FALEC: variants seen among roughly 807,000 people sequenced by gnomAD.
FALEC encodes focally amplified lncRNA on chromosome 1.
the FALEC span, among the ~76,000 whole-genome samples, chr1:150,532,485 G>T: frequency 6.6e-6 from 1 of 152,138 alleles, no homozygotes; most frequent in East Asian, 1.9e-4. Flanking sequence ...GGAGGGAGTG[G>T]CTCCAGAGAT....
At chr1:150,517,682 A>G (rs1177060084) in intron 1 of FALEC, 3 of 152,302 alleles carry the variant, frequency 2.0e-5, no homozygotes, top group Non-Finnish European at 4.4e-5. Context: ...GAGCCTGACC[A>G]TGCTGGCACA....
the FALEC span, among the ~76,000 whole-genome samples, chr1:150,523,547 G>A: frequency 1.1e-4 from 17 of 151,218 alleles, no homozygotes; most frequent in South Asian, 2.1e-4. Flanking sequence ...CCAGCTACTC[G>A]GGAGGCTGAG....
the FALEC span, among the ~76,000 whole-genome samples, chr1:150,533,573 C>T: frequency 6.6e-6 from 1 of 151,498 alleles, no homozygotes; most frequent in African/African-American, 2.4e-5. Context: ...GTAGCTGGGA[C>T]TACAGGTGGT....
chr1:150,525,739 ATTGCTG>A, the FALEC span, among the ~76,000 whole-genome samples: 1 of 152,104 alleles, frequency 6.6e-6, no homozygotes, highest in Non-Finnish European at 1.5e-5. Flanking sequence ...ACAACCTCAG[ATTGCTG>A]GGCTCAAGTG....
At chr1:150,532,162 C>T in the FALEC span, among the ~76,000 whole-genome samples, 5 of 152,206 alleles carry the variant, frequency 3.3e-5, no homozygotes, top group East Asian at 9.6e-4. Context: ...CTGCCTCGGC[C>T]TCCCAAAGTG....
chr1:150,523,334 T>C, the FALEC span, among the ~76,000 whole-genome samples: 4 of 151,120 alleles, frequency 2.6e-5, no homozygotes, highest in Non-Finnish European at 5.9e-5. Context: ...TTTTACTTTT[T>C]TAATGTTACT....
the FALEC span, among the ~76,000 whole-genome samples, chr1:150,534,647 T>C: frequency 2.0e-5 from 3 of 152,058 alleles, no homozygotes; most frequent in East Asian, 1.9e-4. Flanking sequence ...ATCGAGACCA[T>C]CCTGGCCAAC....
chr1:150,527,782 G>A, the FALEC span, among the ~76,000 whole-genome samples: 1 of 152,018 alleles, frequency 6.6e-6, no homozygotes. Context: ...CCCGAGAGGC[G>A]GAGGTTTCAG....
chr1:150,532,665 T>C, the FALEC span, among the ~76,000 whole-genome samples: 1 of 151,958 alleles, frequency 6.6e-6, no homozygotes, highest in South Asian at 2.1e-4. Flanking sequence ...AGATATTCAC[T>C]GAGTGCATAG....
At chr1:150,533,952 G>T in the FALEC span, among the ~76,000 whole-genome samples, 3 of 152,360 alleles carry the variant, frequency 2.0e-5, no homozygotes, top group South Asian at 6.2e-4. Context: ...TCCTGTGTGT[G>T]CTTTACCTGT....
intron 1 of FALEC, among the ~76,000 whole-genome samples, chr1:150,517,296 C>CAAAA (rs34702640): frequency 1.5e-4 from 14 of 93,210 alleles, no homozygotes; most frequent in South Asian, 4.0e-4. Flanking sequence ...GACTCCGTCT[C>CAAAA]AAAAAAAAAA....
chr1:150,518,545 C>T (rs587603154), downstream of FALEC, among the ~76,000 whole-genome samples: 6 of 151,640 alleles, frequency 4.0e-5, no homozygotes, highest in South Asian at 2.1e-4. Context: ...CTACCACGCC[C>T]GGTTCATTTT....
At chr1:150,535,523 C>T in the FALEC span, among the ~76,000 whole-genome samples, 4 of 152,234 alleles carry the variant, frequency 2.6e-5, no homozygotes, top group Non-Finnish European at 5.9e-5. Flanking sequence ...GGATTACACG[C>T]GTGAGCCACC....
the FALEC span, among the ~76,000 whole-genome samples, chr1:150,529,001 C>T: frequency 2.8e-4 from 11 of 38,836 alleles, no homozygotes; most frequent in Non-Finnish European, 5.6e-4. Flanking sequence ...GGCACAGGAG[C>T]CACTAAATAA....
chr1:150,522,438 C>T (rs892963183), downstream of FALEC, among the ~76,000 whole-genome samples: 3 of 151,768 alleles, frequency 2.0e-5, no homozygotes, highest in Non-Finnish European at 2.9e-5. Flanking sequence ...GCCTGGGCAA[C>T]GTGGTGAAAC....
At chr1:150,529,245 C>G in the FALEC span, among the ~76,000 whole-genome samples, 2 of 152,026 alleles carry the variant, frequency 1.3e-5, no homozygotes, top group Non-Finnish European at 2.9e-5. Context: ...TGTTAAAGGC[C>G]CAGCTGGGAT....
chr1:150,522,880 T>TATATAC (rs1410329610), downstream of FALEC, among the ~76,000 whole-genome samples: 4 of 113,246 alleles, frequency 3.5e-5, no homozygotes, highest in Non-Finnish European at 3.6e-5. Flanking sequence ...TATATACATA[T>TATATAC]ATATATACGT....
At chr1:150,526,133 C>T in the FALEC span, among the ~76,000 whole-genome samples, 6 of 151,828 alleles carry the variant, frequency 4.0e-5, no homozygotes, top group African/African-American at 1.2e-4. Flanking sequence ...GAGGCTGAGG[C>T]GGGCGGATCA....
chr1:150,518,478 G>A (rs587729362), downstream of FALEC, among the ~76,000 whole-genome samples: 5 of 151,470 alleles, frequency 3.3e-5, no homozygotes, highest in South Asian at 1.1e-3. Flanking sequence ...TGTGCCCCCT[G>A]GGTTCAAGTG....
Sources: allele counts gnomAD v4.1 joint callset (sites outside exome capture counted in the v4.1 genomes callset), GRCh38; gene constraint gnomAD v4.1.1; transcripts MANE v1.5; gene names NCBI Gene and HGNC (gene_info 2026-07-23, HGNC 2026-07-21).